The following DNAH8 variants were observed in gnomAD, a reference collection of about 807,000 sequenced individuals.
The protein encoded by DNAH8 is dynein axonemal heavy chain 8.
Under a neutral mutation model 562.1 loss-of-function variants are expected in DNAH8, and 382 were observed. The observed-to-expected ratio is 0.68, with a 90% CI of 0.63 to 0.74. The LOEUF (loss-of-function observed/expected upper bound fraction) is 0.74, where lower values mean the gene tolerates loss of function less well. DNAH8 is among the 30% of genes least tolerant of loss of function. The pLI is 0.00. For missense variants in DNAH8, 5,203 were observed against 5,620.4 expected (o/e 0.93, Z 2.37); for synonymous variants, 1,881 against 1,919.4 (o/e 0.98, Z 0.52).
intron 1 of DNAH8, among the ~76,000 whole-genome samples, chr6:38,720,464 T>C (rs773746083): frequency 5.3e-5 from 8 of 152,170 alleles, no homozygotes; most frequent in Non-Finnish European, 1.0e-4. Context: ...ACTTCCCCCA[T>C]TTTGGATGGG....
chr6:38,982,189 T>C (rs968849164), intron 85 of DNAH8, among the ~76,000 whole-genome samples, 157 bp from the exon 86 acceptor site: 2 of 152,246 alleles, frequency 1.3e-5, no homozygotes, highest in African/African-American at 2.4e-5. Context: ...AACCCCATCA[T>C]TAAGCGACAT....
At chr6:38,787,664 C>G (rs1002097749) in intron 18 of DNAH8, among the ~76,000 whole-genome samples, 1 of 141,934 alleles carries the variant, frequency 7.0e-6, no homozygotes, top group Non-Finnish European at 1.5e-5. Flanking sequence ...CCACTGCACT[C>G]CAGCCTGGGT....
chr6:38,974,674 T>C (rs1763558374), intron 85 of DNAH8, 145 bp downstream of exon 85: 5 of 647,026 alleles, frequency 7.7e-6, no homozygotes, highest in Non-Finnish European at 1.1e-5. Flanking sequence ...CCACCTGGTA[T>C]AGTGTATATT....
At chr6:38,834,666 A>G (rs376305789) in intron 32 of DNAH8, 25 bp downstream of exon 32, 28 of 1,547,810 alleles carry the variant, frequency 1.8e-5, no homozygotes, top group South Asian at 1.4e-4. Context: ...TTTTTGTTAC[A>G]TCGACAATGT....
intron 71 of DNAH8, 36 bp downstream of exon 71, chr6:38,921,542 A>C (rs746111642): frequency 6.3e-7 from 1 of 1,596,816 alleles, no homozygotes; most frequent in African/African-American, 1.4e-5. Context: ...AAAATGGTGT[A>C]CTGAAACTTT....
chr6:39,003,318 G>C (rs1765600988), intron 88 of DNAH8, among the ~76,000 whole-genome samples: 1 of 152,184 alleles, frequency 6.6e-6, no homozygotes, highest in Admixed American at 6.5e-5. Flanking sequence ...GCATCTCAGT[G>C]AACCTGAAAT....
chr6:39,019,315 G>A (rs1453579917), intron 91 of DNAH8, among the ~76,000 whole-genome samples: 2 of 152,208 alleles, frequency 1.3e-5, no homozygotes. Flanking sequence ...TGGAGCATAG[G>A]TAGGCTTGCT....
intron 11 of DNAH8, among the ~76,000 whole-genome samples, chr6:38,768,958 A>G (rs1435397341): frequency 2.6e-5 from 4 of 152,330 alleles, no homozygotes; most frequent in African/African-American, 9.6e-5. Context: ...GGCAGGAACC[A>G]TAACTCTTTA....
rs1491079737 is a variant in DNAH8 at position 38,722,577 on chromosome 6, G to GTGT, written c.-34-199_-34-198insTGT. 0.14 allele frequency among the ~76,000 whole-genome samples: 21,007 copies of GTGT among 150,824 alleles called. 1,682 individuals carry two copies. Among genetic ancestry groups the GTGT allele is most frequent in the Non-Finnish European group, 0.17 (11,529 of 67,676 alleles). ...TAAAGTCTGAAAAAGCTCCCAGGTG[G>GTGT]GTGGGGGTGTGTGTGTGTGTGTGTG... On this transcript the variant is annotated intron_variant, in intron 1 of 92. Coordinates refer to ENST00000327475, the MANE Select transcript of DNAH8 (RefSeq NM_001206927.2).
At chr6:38,976,328 A>G (rs982525908) in intron 85 of DNAH8, among the ~76,000 whole-genome samples, 3 of 152,190 alleles carry the variant, frequency 2.0e-5, no homozygotes, top group Non-Finnish European at 2.9e-5. Context: ...CCATCGCCCA[A>G]TTCTGTGACA....
intron 9 of DNAH8, among the ~76,000 whole-genome samples, chr6:38,753,978 T>C (rs2127598343): frequency 6.6e-6 from 1 of 152,330 alleles, no homozygotes; most frequent in Admixed American, 6.5e-5. Context: ...TCATTTTCTT[T>C]ATTCTGATTA....
intron 48 of DNAH8, among the ~76,000 whole-genome samples, 163 bp downstream of exon 48, chr6:38,868,359 C>T (rs1286330652): frequency 6.6e-6 from 1 of 152,168 alleles, no homozygotes; most frequent in East Asian, 1.9e-4. Flanking sequence ...GCAAAAGACC[C>T]CATGACCTGT....
At chr6:38,969,273 T>C (rs1368284276) in intron 82 of DNAH8, among the ~76,000 whole-genome samples, 1 of 152,236 alleles carries the variant, frequency 6.6e-6, no homozygotes. Flanking sequence ...TTTCATAATT[T>C]ATATGGAAAT....
At chr6:38,773,633 C>T (rs1330246385) in intron 12 of DNAH8, among the ~76,000 whole-genome samples, 2 of 152,128 alleles carry the variant, frequency 1.3e-5, no homozygotes, top group Non-Finnish European at 1.5e-5. Context: ...AACGACAGAC[C>T]GGCATCTTTC....
At chr6:38,886,373 A>G (rs1413015639) in intron 56 of DNAH8, among the ~76,000 whole-genome samples, 3 of 152,216 alleles carry the variant, frequency 2.0e-5, no homozygotes, top group Non-Finnish European at 2.9e-5. Context: ...CAACCAAAAC[A>G]GTTAGTAATA....
At chr6:38,998,745 G>A (rs1419443087) in intron 88 of DNAH8, among the ~76,000 whole-genome samples, 1 of 152,104 alleles carries the variant, frequency 6.6e-6, no homozygotes, top group African/African-American at 2.4e-5. Flanking sequence ...GAACCACCAA[G>A]CTACAAGGGC....
At chr6:38,956,698 A>G (rs1419452013) in intron 82 of DNAH8, among the ~76,000 whole-genome samples, 1 of 152,166 alleles carries the variant, frequency 6.6e-6, no homozygotes, top group Non-Finnish European at 1.5e-5. Context: ...ACAAAACAAC[A>G]ACAACAAAAA....
At chr6:38,915,835 TAC>T (rs766390138) in intron 68 of DNAH8, among the ~76,000 whole-genome samples, 10 of 123,076 alleles carry the variant, frequency 8.1e-5, no homozygotes, top group Non-Finnish European at 1.3e-4. Flanking sequence ...CTATATATAA[TAC>T]ACACACACAC....
intron 61 of DNAH8, among the ~76,000 whole-genome samples, chr6:38,899,493 C>G (rs1230632370): frequency 6.6e-6 from 1 of 152,310 alleles, no homozygotes; most frequent in East Asian, 1.9e-4. Context: ...ATTCTACATG[C>G]GTGCACACGC....
Sources: gnomAD v4.1 joint callset for allele counts (sites outside exome capture counted in the v4.1 genomes callset) on GRCh38, gnomAD v4.1.1 for gene constraint, MANE v1.5 for transcripts, NCBI Gene and HGNC (gene_info 2026-07-23, HGNC 2026-07-21) for gene names.